The following NBEAL2 variants were observed in gnomAD, a reference collection of about 807,000 sequenced individuals.
NBEAL2 encodes the protein neurobeachin like 2.
In NBEAL2, 160 loss-of-function variants were observed where a neutral mutation model predicts 299.8. The observed-to-expected ratio is 0.53, with a 90% confidence interval of 0.47 to 0.61. The LOEUF is 0.61. NBEAL2 is among the 20% of genes least tolerant of loss of function. The pLI is 0.00. For synonymous variants in NBEAL2, 1,493 were observed against 1,542.3 expected, an observed-to-expected ratio of 0.97 and a Z score of 0.75; for missense variants, 3,112 against 3,649.0, an observed-to-expected ratio of 0.85 and a Z score of 3.79.
chr3:46,991,922 C>T lies in NBEAL2; in HGVS notation c.1008C>T (p.Leu336=), dbSNP rs961995696. 3.1e-6 allele frequency: 5 copies of T among 1,601,162 alleles called. No individual in the cohort carries two copies. Among genetic ancestry groups the T allele is most frequent in the Non-Finnish European group, 4.3e-6 (5 of 1,174,014 alleles). The part of the protein sequence containing the change: ...TFLSNNCFEH[L]TRLIQNSKLY... ...TCAGCAACAATTGCTTTGAACACCT[C>T]ACTCGGCTCATTCAGAACAGCAAGG... Residue 336 remains leucine (L), a synonymous_variant, in exon 9 of 54, where the codon CTC becomes CTT. Transcript: ENST00000450053. The surrounding 1 kb of genome is among the most constrained non-coding windows in gnomAD (Gnocchi z 6.2).
intron 48 of NBEAL2, 22 bp from the exon 49 acceptor site, chr3:47,007,794 G>C: frequency 6.2e-7 from 1 of 1,611,296 alleles, no homozygotes; most frequent in South Asian, 1.1e-5. Context: ...CGTTCTGCCT[G>C]TACCCTCCCC....
chr3:47,008,763 G>C, intron 52 of NBEAL2, 95 bp downstream of exon 52: 1 of 1,552,092 alleles, frequency 6.4e-7, no homozygotes, highest in Non-Finnish European at 8.7e-7. Flanking sequence ...ACATGTTTGT[G>C]GGCACATATT....
chr3:47,007,985 A>T, intron 49 of NBEAL2, 75 bp downstream of exon 49: 1 of 1,581,962 alleles, frequency 6.3e-7, no homozygotes, highest in Non-Finnish European at 8.6e-7. Flanking sequence ...GTGGCCTTCC[A>T]GTCCTGTCCT....
In NBEAL2 at chr3:46,995,717, C is replaced by G; in HGVS notation, c.1902C>G (p.Phe634Leu). ...RPLQRKQLYS[F>L]FTSSGSGFEA... ...TAACTGGCTTGCCTGCCCCCAGCTT[C>G]TTTACCAGCAGCGGCTCAGGGTTTG... The change falls in exon 14 of 54, where the codon TTC (phenylalanine) becomes TTG (leucine). Residue 634 changes from phenylalanine (F) to leucine (L), a missense_variant. By Grantham distance (22) the Phe-to-Leu change is conservative (BLOSUM62 0). Transcript: ENST00000450053. The G allele has an allele frequency of 6.2e-7, 1 of 1,613,462 alleles. No homozygotes were observed.
chr3:47,007,683 T>C lies in NBEAL2; in HGVS notation c.7493T>C (p.Leu2498Pro). ...CCCCGTGGCAAGCTGTTGAGCCAGCTCAGCTGCCACCTTGGTATGAACAGC... is the reference window on the plus strand; with the variant it reads ...CCCCGTGGCAAGCTGTTGAGCCAGCCCAGCTGCCACCTTGGTATGAACAGC... ...ALPRGKLLSQ[L>P]SCHLDVVTCL... Residue 2498 changes from leucine (L) to proline (P), a missense_variant, in exon 48 of 54, where the codon CTC becomes CCC. Coordinates refer to ENST00000450053, the MANE Select transcript of NBEAL2 (RefSeq NM_015175.3). 6.2e-7 allele frequency: 1 copy of C among 1,609,174 alleles called. No individual in the cohort carries two copies. The highest frequency in any genetic ancestry group is 8.5e-7 in the Non-Finnish European group (1 of 1,177,030).
At position 47,004,291 on chromosome 3, in the gene NBEAL2, G is replaced by C. The variant is rs1038178449; in HGVS notation, c.6096G>C (p.Arg2032=). The part of the protein sequence containing the change: ...PGPIPPHTQV[R]NQVYSWLLRL... ...CCATCCCACCCCATACCCAGGTACG[G>C]AACCAGGTGTACTCGTGGCTCCTGC... Residue 2032 remains arginine (R), a synonymous_variant, in exon 37 of 54, where the codon CGG becomes CGC. Coordinates refer to ENST00000450053, the MANE Select transcript of NBEAL2 (RefSeq NM_015175.3). The surrounding 1 kb of genome is among the most constrained non-coding windows in gnomAD (Gnocchi z 5.0). 15 of 1,613,244 alleles carry C rather than the reference G, an allele frequency of 9.3e-6. No individual in the cohort carries two copies. The highest frequency in any genetic ancestry group is 1.3e-5 in the Non-Finnish European group (15 of 1,179,712).
intron 1 of NBEAL2, among the ~76,000 whole-genome samples, chr3:46,983,554 C>T (rs1369969006): frequency 2.6e-5 from 4 of 152,016 alleles, no homozygotes; most frequent in Non-Finnish European, 4.4e-5. Context: ...GTGATCTGCC[C>T]GCCTCAGCCT....
Position 47,003,690 on chromosome 3 carries a change from C to A in NBEAL2, c.5721-126C>A. 1 of 1,265,530 alleles carries A rather than the reference C, an allele frequency of 7.9e-7. No individual in the cohort carries two copies. Among genetic ancestry groups the A allele is most frequent in the Non-Finnish European group, 1.1e-6 (1 of 933,720 alleles). 78.4% of individuals were successfully genotyped at this position (1,265,530 alleles called of 1,614,324 possible). A position where few individuals can be genotyped will look rare whatever the true frequency, so the allele number is the denominator to read the frequency against. ...CCAGTAGGTTCTGGACCCTAGGCAGCCCCTCCCCATCTCTGGGAGTCATGA... is the reference window on the plus strand; with the variant it reads ...CCAGTAGGTTCTGGACCCTAGGCAGACCCTCCCCATCTCTGGGAGTCATGA... On this transcript the variant is annotated intron_variant, in intron 35 of 53. Coordinates refer to ENST00000450053, the MANE Select transcript of NBEAL2 (RefSeq NM_015175.3). This position sits in a 1 kb window ranked among gnomAD's most constrained non-coding sequence, Gnocchi z 7.0.
chr3:47,004,692 T>C lies in NBEAL2; in HGVS notation c.6294+102T>C, dbSNP rs2037294024. 2 of 1,274,446 alleles carry C rather than the reference T, an allele frequency of 1.6e-6. No homozygotes were observed. The highest frequency in any genetic ancestry group is 1.8e-5 in the Admixed American group (1 of 55,232). 78.9% of individuals were successfully genotyped at this position (1,274,446 alleles called of 1,614,324 possible). On this transcript the variant is annotated intron_variant, in intron 38 of 53. Coordinates refer to ENST00000450053, the MANE Select transcript of NBEAL2 (RefSeq NM_015175.3). This position sits in a 1 kb window ranked among gnomAD's most constrained non-coding sequence, Gnocchi z 5.0. Reference sequence around the variant, plus strand: ...CTGCCAGTGGGCCAAGCTCTGAGCTTGGTCAAGGGTAGATGTGCCAATGAA... The same window carrying C: ...CTGCCAGTGGGCCAAGCTCTGAGCTCGGTCAAGGGTAGATGTGCCAATGAA...
chr3:47,008,957 G>A (rs756013689), intron 52 of NBEAL2, 32 bp from the exon 53 acceptor site: 3 of 1,598,308 alleles, frequency 1.9e-6, no homozygotes, highest in African/African-American at 1.3e-5. Context: ...CCTTGCAGTC[G>A]CAAGTTGGTG....
Position 47,000,359 on chromosome 3 carries a change from G to C in NBEAL2, c.4260G>C (p.Glu1420Asp), listed in dbSNP as rs770300125. Residue 1420 changes from glutamate to aspartate, a missense_variant, in exon 27 of 54, where the codon GAG becomes GAC. Coordinates refer to ENST00000450053, the MANE Select transcript of NBEAL2 (RefSeq NM_015175.3). The surrounding 1 kb of genome is among the most constrained non-coding windows in gnomAD (Gnocchi z 4.5). ...SNVLEDGSLP[E>D]PTISGDDTSN... ...TGCTGGAGGACGGCAGCCTCCCGGA[G>C]CCCACCATTAGCGGGGATGATACCT... The C allele has an allele frequency of 8.8e-6, 14 of 1,597,468 alleles. No homozygotes were observed. Among genetic ancestry groups the C allele is most frequent in the Non-Finnish European group, 1.2e-5 (14 of 1,169,288 alleles).
chr3:46,988,005 T>A lies in NBEAL2; in HGVS notation c.52-664T>A. ...TTTCCCGTTCACACCAAAGTTTTCC[T>A]GGCAGCGCCTAGACCTGGGCTTAGC... On this transcript the variant is annotated intron_variant, in intron 1 of 53. Transcript: ENST00000450053. The surrounding 1 kb of genome is among the most constrained non-coding windows in gnomAD (Gnocchi z 4.4). The A allele has an allele frequency of 1.6e-6, 2 of 1,278,266 alleles. No homozygotes were observed. The highest frequency in any genetic ancestry group is 2.5e-5 in the South Asian group (2 of 80,542). The allele number at this position is 1,278,266 out of a possible 1,614,324, so 79.2% of individuals were successfully genotyped here.
chr3:46,994,865 G>C (rs2036365211), intron 12 of NBEAL2, among the ~76,000 whole-genome samples, 167 bp from the exon 13 acceptor site: 1 of 152,220 alleles, frequency 6.6e-6, no homozygotes, highest in African/African-American at 2.4e-5. Flanking sequence ...AGTAGTGACT[G>C]TCATCTGTGC....
rs1250724329 is a variant in NBEAL2, at chr3:46,996,961, A to G, written c.2564A>G (p.Lys855Arg). 2 of 1,613,094 alleles carry G rather than the reference A, an allele frequency of 1.2e-6. No individual in the cohort carries two copies. Among genetic ancestry groups the G allele is most frequent in the Non-Finnish European group, 1.7e-6 (2 of 1,179,804 alleles). Residue 855 changes from lysine to arginine, a missense_variant, in exon 18 of 54, where the codon AAG becomes AGG. Lys to Arg is a conservative substitution (Grantham distance 26). This residue lies in a region of NBEAL2 where 2,243 missense variants were observed against 2,538.1 expected (regional missense o/e 0.88). Coordinates refer to ENST00000450053, the MANE Select transcript of NBEAL2 (RefSeq NM_015175.3). ...LLLHYSPQAC[K>R]NNICLDLSPS... The stretch of plus-strand genomic sequence containing the variant: ...CCATTCCCCTATCCCTAGGCTTGTA[A>G]GAACAACATCTGCCTGGACCTGTCC...
chr3:47,005,369 G>A, intron 40 of NBEAL2, 48 bp downstream of exon 40: 5 of 1,586,020 alleles, frequency 3.2e-6, no homozygotes, highest in Non-Finnish European at 2.6e-6. Flanking sequence ...ATAAGGGGAG[G>A]AGGCTGGTCC....
chr3:46,994,071 T>A, intron 11 of NBEAL2, 51 bp downstream of exon 11: 1 of 1,526,156 alleles, frequency 6.6e-7, no homozygotes, highest in Non-Finnish European at 8.9e-7. Context: ...GGAGTTCAAC[T>A]GACCATATCC....
At position 46,996,543 on chromosome 3, in the gene NBEAL2, C is replaced by G. The variant is rs1212346620; in HGVS notation, c.2424C>G (p.Ile808Met). 1.3e-6 allele frequency: 2 copies of G among 1,545,728 alleles called. No individual in the cohort carries two copies. Among genetic ancestry groups the G allele is most frequent in the Non-Finnish European group, 1.7e-6 (2 of 1,143,364 alleles). The change falls in exon 16 of 54, where the codon ATC (isoleucine) becomes ATG (methionine). Residue 808 changes from isoleucine (I) to methionine (M), a missense_variant. This residue lies in a region of NBEAL2 where 2,243 missense variants were observed against 2,538.1 expected (regional missense o/e 0.88). Coordinates refer to ENST00000450053, the MANE Select transcript of NBEAL2 (RefSeq NM_015175.3). ...SLEGELGAVA[I>M]FHEALQATAL... ...AGGGTGAGCTGGGGGCTGTGGCCAT[C>G]TTTCACGAAGCCCTGCAGGCGACGG... is the stretch of plus-strand genomic sequence containing the variant.
chr3:47,006,565 A>C, intron 45 of NBEAL2, 116 bp downstream of exon 45: 2 of 1,027,998 alleles, frequency 1.9e-6, no homozygotes, highest in Non-Finnish European at 3.0e-6. Context: ...ATTTCAAGGC[A>C]CCTTAGAAAA....
chr3:46,998,619 C>T, intron 22 of NBEAL2, 54 bp downstream of exon 22: 1 of 1,578,468 alleles, frequency 6.3e-7, no homozygotes, highest in Non-Finnish European at 8.6e-7. Flanking sequence ...TGGCCTCCGG[C>T]CTTGGGGACT....
Sources: allele counts gnomAD v4.1 joint callset (sites outside exome capture counted in the v4.1 genomes callset), GRCh38; gene constraint gnomAD v4.1.1; regional missense constraint gnomAD v4.1.1; non-coding constraint Gnocchi (gnomAD v3.1); transcripts MANE v1.5; gene names NCBI Gene and HGNC (gene_info 2026-07-23, HGNC 2026-07-21).